PARM1: variants seen among roughly 807,000 people sequenced by gnomAD.
PARM1 encodes the protein WSC4, cell wall integrity and stress response component 4 homolog.
In PARM1, 14 loss-of-function variants were observed where a neutral mutation model predicts 24.6. The observed-to-expected ratio is 0.57, with a 90% CI of 0.38 to 0.89. PARM1 has a LOEUF of 0.89. Among genes scored for constraint, PARM1 ranks in the 40% least tolerant of loss-of-function variants. PARM1 has a pLI of 0.00. For synonymous variants in PARM1, 179 were observed against 156.6 expected (o/e 1.14, Z -1.07); for missense variants, 362 against 380.4 (o/e 0.95, Z 0.40).
At chr4:74,956,576 A>G (rs1292999990) in intron 1 of PARM1, 3 of 152,162 alleles carry the variant, frequency 2.0e-5, no homozygotes, top group African/African-American at 7.2e-5. Flanking sequence ...TCACAAGAAC[A>G]TTTTTTGTGA....
chr4:74,980,889 T>C (rs1722236427), intron 1 of PARM1, among the ~76,000 whole-genome samples: 1 of 152,192 alleles, frequency 6.6e-6, no homozygotes, highest in African/African-American at 2.4e-5. Context: ...CCCTATTTAA[T>C]AAATGGTGCT....
chr4:74,968,725 A>G (rs957910935), intron 1 of PARM1, among the ~76,000 whole-genome samples: 1 of 152,182 alleles, frequency 6.6e-6, no homozygotes, highest in Non-Finnish European at 1.5e-5. Context: ...TTCATTCAGA[A>G]CAAATGAAAG....
At chr4:74,943,096 T>A (rs1431740828) in intron 1 of PARM1, among the ~76,000 whole-genome samples, 1 of 152,210 alleles carries the variant, frequency 6.6e-6, no homozygotes, top group Non-Finnish European at 1.5e-5. Flanking sequence ...TTTTGTCAAA[T>A]GTCACCTTCT....
intron 1 of PARM1, among the ~76,000 whole-genome samples, chr4:74,951,936 C>T (rs1487357343): frequency 6.6e-6 from 1 of 152,166 alleles, no homozygotes; most frequent in Admixed American, 6.5e-5. Flanking sequence ...GATTTATAAT[C>T]CTTTTGATAT....
chr4:75,019,969 G>A (rs1225967623), intron 2 of PARM1, among the ~76,000 whole-genome samples: 6 of 131,708 alleles, frequency 4.6e-5, no homozygotes, highest in Non-Finnish European at 9.4e-5. Context: ...CGCCACTGCA[G>A]TCCGCAGTCC....
At chr4:75,025,494 TG>T (rs1723166069) in intron 2 of PARM1, among the ~76,000 whole-genome samples, 1 of 152,092 alleles carries the variant, frequency 6.6e-6, no homozygotes, top group African/African-American at 2.4e-5. Flanking sequence ...AAATTCCAAG[TG>T]GAAAAGAGGC....
intron 1 of PARM1, among the ~76,000 whole-genome samples, chr4:74,960,465 A>C (rs1274813991): frequency 6.6e-6 from 1 of 152,200 alleles, no homozygotes; most frequent in Non-Finnish European, 1.5e-5. Context: ...TTAAGTTTAC[A>C]TGTTGGGCTG....
intron 3 of PARM1, among the ~76,000 whole-genome samples, chr4:75,035,398 A>G (rs1324849998): frequency 6.6e-6 from 1 of 152,172 alleles, no homozygotes; most frequent in East Asian, 1.9e-4. Context: ...CCATAAGGAC[A>G]CACAATCCCA....
intron 1 of PARM1, among the ~76,000 whole-genome samples, chr4:74,941,767 C>T (rs1273890470): frequency 6.6e-6 from 1 of 152,100 alleles, no homozygotes; most frequent in African/African-American, 2.4e-5. Flanking sequence ...AAGATGAAAG[C>T]AGCTACATGG....
intron 1 of PARM1, among the ~76,000 whole-genome samples, chr4:74,974,873 T>G (rs1344326073): frequency 6.6e-6 from 1 of 152,148 alleles, no homozygotes. Flanking sequence ...CTCCATCTCA[T>G]GGGAGAACAC....
chr4:74,967,933 C>G (rs1721939965), intron 1 of PARM1, among the ~76,000 whole-genome samples: 1 of 152,200 alleles, frequency 6.6e-6, no homozygotes, highest in Non-Finnish European at 1.5e-5. Flanking sequence ...GTGGCAAACA[C>G]AGAATTCTGT....
intron 3 of PARM1, among the ~76,000 whole-genome samples, chr4:75,035,563 A>C (rs1034012363): frequency 1.3e-5 from 2 of 151,752 alleles, no homozygotes; most frequent in Admixed American, 6.6e-5. Flanking sequence ...GCACATATCC[A>C]CTCTGCTGCT....
At chr4:74,941,162 C>G (rs991393214) in intron 1 of PARM1, among the ~76,000 whole-genome samples, 1 of 152,164 alleles carries the variant, frequency 6.6e-6, no homozygotes, top group African/African-American at 2.4e-5. Context: ...GTGGGGAACC[C>G]TGGATGTTTT....
At chr4:74,997,479 G>A (rs747827336) in intron 1 of PARM1, among the ~76,000 whole-genome samples, 4 of 152,190 alleles carry the variant, frequency 2.6e-5, no homozygotes, top group Non-Finnish European at 4.4e-5. Flanking sequence ...GGAATCTTCA[G>A]ACATATCTGA....
In PARM1 at chr4:74,990,366, T is replaced by A. The variant is rs528367988; in HGVS notation, c.44-22059T>A. Among the ~76,000 whole-genome samples, 67 of 152,266 alleles carry A rather than the reference T, an allele frequency of 4.4e-4. No individual in the cohort carries two copies. In the South Asian group the frequency reaches 0.013, roughly 31 times the overall value. On this transcript the variant is annotated intron_variant, in intron 1 of 3. Coordinates refer to ENST00000307428, the MANE Select transcript of PARM1 (RefSeq NM_015393.4). ...CTATTAGATAGTAATCTCATGGATA[T>A]CTTCATCTACAATATCAATGTTTCC...
intron 2 of PARM1, among the ~76,000 whole-genome samples, chr4:75,027,240 G>A (rs1316632089): frequency 1.3e-5 from 2 of 152,030 alleles, no homozygotes; most frequent in Admixed American, 6.5e-5. Context: ...ACTTGTCTCC[G>A]CCATGGAGTG....
chr4:75,013,584 C>A (rs1312999687), intron 2 of PARM1, among the ~76,000 whole-genome samples: 1 of 152,204 alleles, frequency 6.6e-6, no homozygotes, highest in Non-Finnish European at 1.5e-5. Context: ...ACTGAAATGA[C>A]ATAAAGCACT....
At chr4:74,965,711 A>C (rs1420752963) in intron 1 of PARM1, among the ~76,000 whole-genome samples, 1 of 152,196 alleles carries the variant, frequency 6.6e-6, no homozygotes, top group African/African-American at 2.4e-5. Context: ...TTTTCAAAAA[A>C]TCATGGCCCA....
At chr4:74,964,671 C>A (rs150134667) in intron 1 of PARM1, among the ~76,000 whole-genome samples, 1 of 152,062 alleles carries the variant, frequency 6.6e-6, no homozygotes, top group Non-Finnish European at 1.5e-5. Context: ...TCTATCTCCT[C>A]CTTAGACTAT....
Sources: allele counts gnomAD v4.1 joint callset (sites outside exome capture counted in the v4.1 genomes callset), GRCh38; gene constraint gnomAD v4.1.1; transcripts MANE v1.5; gene names NCBI Gene and HGNC (gene_info 2026-07-23, HGNC 2026-07-21).